TPD52: variants seen among roughly 807,000 people sequenced by gnomAD.
TPD52 encodes tumor protein D52.
In TPD52, 17 loss-of-function variants were observed where a neutral mutation model predicts 31.3. The ratio of observed to expected loss-of-function variants is 0.54; its 90% CI spans 0.37 to 0.82. The LOEUF (loss-of-function observed/expected upper bound fraction) is 0.82, where lower values mean the gene tolerates loss of function less well. Ranked by LOEUF, TPD52 falls within the 40% of genes least tolerant of loss-of-function variation. The pLI is 0.00. For synonymous variants in TPD52, 83 were observed against 89.6 expected (o/e 0.93, Z 0.42); for missense variants, 212 against 240.1 (o/e 0.88, Z 0.77).
chr8:80,123,623 G>C (rs868065672), intron 1 of TPD52, among the ~76,000 whole-genome samples: 3 of 152,220 alleles, frequency 2.0e-5, no homozygotes, highest in South Asian at 2.1e-4. Flanking sequence ...AAGTAGATGT[G>C]CTGCGTGGGC....
At chr8:80,095,956 A>G (rs1181890890) in intron 1 of TPD52, among the ~76,000 whole-genome samples, 1 of 151,450 alleles carries the variant, frequency 6.6e-6, no homozygotes, top group African/African-American at 2.4e-5. Context: ...CTACATACAT[A>G]CATACATACA....
At chr8:80,031,996 T>C (rs1036624025), downstream of TPD52, among the ~76,000 whole-genome samples, 1 of 151,620 alleles carries the variant, frequency 6.6e-6, no homozygotes, top group African/African-American at 2.4e-5. Flanking sequence ...CTACTAAAAA[T>C]ACAAAAATTA....
chr8:80,156,852 T>C (rs1419990948), intron 1 of TPD52, among the ~76,000 whole-genome samples: 2 of 150,928 alleles, frequency 1.3e-5, no homozygotes, highest in African/African-American at 2.4e-5. Context: ...CTCTGTGGAT[T>C]GGGGTAGAGT....
Position 80,051,596 on chromosome 8 carries a change from G to A in TPD52, c.317C>T (p.Ala106Val). 6 of 1,611,874 alleles carry A rather than the reference G, an allele frequency of 3.7e-6. No homozygotes were observed. Among genetic ancestry groups the A allele is most frequent in the Middle Eastern group, 3.3e-4 (2 of 6,034 alleles). ...YKKTSETLSQ[A>V]GQKASAAFSS... ...AAAAGCAGCTGAGGCCTTCTGTCCA[G>A]CCTGGGATAAGGTTTCAGATGTCTT... The change falls in exon 4 of 8, where the codon GCT (alanine) becomes GTT (valine). Residue 106 changes from alanine (A) to valine (V), a missense_variant. Physicochemically the swap from Ala to Val is moderately conservative, Grantham distance 64 (BLOSUM62 0). Transcript: ENST00000518937.
intron 1 of TPD52, among the ~76,000 whole-genome samples, chr8:80,163,321 C>T (rs1056114638): frequency 6.6e-6 from 1 of 152,178 alleles, no homozygotes. Context: ...ATGTGCTACA[C>T]ACGCATGAGC....
intron 1 of TPD52, among the ~76,000 whole-genome samples, chr8:80,123,641 A>G (rs1808408232): frequency 6.6e-6 from 1 of 152,218 alleles, no homozygotes; most frequent in Admixed American, 6.5e-5. Flanking sequence ...GGCAGTTGGA[A>G]ATAAGATTCT....
At chr8:80,131,049 G>C (rs1329879563) in intron 1 of TPD52, among the ~76,000 whole-genome samples, 4 of 152,132 alleles carry the variant, frequency 2.6e-5, no homozygotes, top group African/African-American at 9.7e-5. Flanking sequence ...TGTGGGTGGG[G>C]TGAGGGGTAG....
chr8:80,125,671 T>G (rs1442729591), intron 1 of TPD52, among the ~76,000 whole-genome samples: 1 of 152,196 alleles, frequency 6.6e-6, no homozygotes, highest in Non-Finnish European at 1.5e-5. Context: ...TATAATTCAT[T>G]AACATTCATT....
rs1224621233 is a variant in TPD52, at chr8:80,136,138, ATAAAT to A, written c.19+35282_19+35286del. ...CCTAAAACTTAAAGTATAATAAAAA[ATAAAT>A]TAATTAATTAAAAAAAAAAATTTCA... On this transcript the variant is annotated intron_variant, in intron 1 of 7. Transcript: ENST00000518937. Among the ~76,000 whole-genome samples the A allele has an allele frequency of 3.4e-5, 5 of 147,762 alleles. No homozygotes were observed. In the East Asian group the frequency reaches 6.0e-4, roughly 18 times the overall value.
intron 1 of TPD52, among the ~76,000 whole-genome samples, chr8:80,103,531 G>C (rs1806893719): frequency 6.6e-6 from 1 of 152,146 alleles, no homozygotes; most frequent in Non-Finnish European, 1.5e-5. Context: ...TCTTTTATCA[G>C]ATCTGATATC....
intron 1 of TPD52, among the ~76,000 whole-genome samples, chr8:80,113,205 T>C (rs1807620563): frequency 6.6e-6 from 1 of 151,772 alleles, no homozygotes; most frequent in Non-Finnish European, 1.5e-5. Context: ...GACCACCTAT[T>C]TAAAATCACA....
At chr8:80,032,622 T>A, downstream of TPD52, 1 of 152,258 alleles carries the variant, frequency 6.6e-6, no homozygotes, top group East Asian at 1.9e-4. Flanking sequence ...CTGGCTTTGG[T>A]CTTATCTATA....
intron 1 of TPD52, among the ~76,000 whole-genome samples, chr8:80,162,342 A>G (rs1811415599): frequency 6.6e-6 from 1 of 152,238 alleles, no homozygotes; most frequent in Non-Finnish European, 1.5e-5. Context: ...ATACTTGCCA[A>G]GGAGGGAAGG....
intron 2 of TPD52, among the ~76,000 whole-genome samples, chr8:80,054,014 C>T (rs767701632): frequency 5.9e-5 from 9 of 152,144 alleles, no homozygotes; most frequent in Non-Finnish European, 1.3e-4. Context: ...CTCAGGAGAT[C>T]CCTGCTCTCA....
chr8:80,082,133 T>C (rs1441958204), intron 1 of TPD52, among the ~76,000 whole-genome samples: 3 of 151,854 alleles, frequency 2.0e-5, no homozygotes, highest in Non-Finnish European at 4.4e-5. Context: ...TTTTTTTTTT[T>C]TAAGTTTATT....
chr8:80,101,326 T>C (rs1806716835), intron 1 of TPD52, among the ~76,000 whole-genome samples: 1 of 151,774 alleles, frequency 6.6e-6, no homozygotes. Context: ...CACATGCCTA[T>C]AATCCCAGCT....
At chr8:80,065,864 C>T (rs1025162671) in intron 1 of TPD52, among the ~76,000 whole-genome samples, 3 of 151,704 alleles carry the variant, frequency 2.0e-5, no homozygotes, top group African/African-American at 7.3e-5. Context: ...CCTTCCTGGC[C>T]TCAGCTGCCT....
chr8:80,121,277 C>A (rs1248631360), intron 1 of TPD52, among the ~76,000 whole-genome samples: 2 of 151,952 alleles, frequency 1.3e-5, no homozygotes, highest in Non-Finnish European at 2.9e-5. Flanking sequence ...GTGAACACAG[C>A]AAAACTGCTG....
chr8:80,136,038 C>T (rs1266141856), intron 1 of TPD52, among the ~76,000 whole-genome samples: 2 of 128,836 alleles, frequency 1.6e-5, no homozygotes, highest in African/African-American at 5.8e-5. Context: ...TGCTAGATGA[C>T]GAGTTAGTGG....
Sources: allele counts gnomAD v4.1 joint callset (sites outside exome capture counted in the v4.1 genomes callset), GRCh38; gene constraint gnomAD v4.1.1; transcripts MANE v1.5; gene names NCBI Gene and HGNC (gene_info 2026-07-23, HGNC 2026-07-21).